TUFT1: variants seen among roughly 807,000 people sequenced by gnomAD.
TUFT1 encodes tuftelin 1, also known as tuftelin.
Under a neutral mutation model 57.8 loss-of-function variants are expected in TUFT1, and 43 were observed. The observed-to-expected ratio is 0.74, with a 90% CI of 0.58 to 0.96. The LOEUF (loss-of-function observed/expected upper bound fraction) is 0.96. TUFT1 is among the 40% of genes least tolerant of loss of function. The pLI is 0.00. For missense variants in TUFT1, 459 were observed against 489.0 expected (o/e 0.94, Z 0.58); for synonymous variants, 166 against 176.7 (o/e 0.94, Z 0.48).
intron 1 of TUFT1, 153 bp downstream of exon 1, chr1:151,540,579 C>A: frequency 1.2e-6 from 1 of 811,858 alleles, no homozygotes; most frequent in Non-Finnish European, 1.9e-6. Flanking sequence ...TATTCTTTTG[C>A]CTGCGACGGG....
intron 7 of TUFT1, among the ~76,000 whole-genome samples, chr1:151,573,480 C>T (rs1346408324): frequency 6.6e-6 from 1 of 152,212 alleles, no homozygotes. Flanking sequence ...ATAAAAGGCT[C>T]ACTCCTGTAA....
intron 5 of TUFT1, chr1:151,564,880 A>G (rs1666014100): frequency 3.6e-6 from 1 of 279,450 alleles, no homozygotes; most frequent in South Asian, 7.8e-5. Flanking sequence ...TATAAATTAA[A>G]TATCATCAGT....
At chr1:151,564,828 A>T in intron 5 of TUFT1, 1 of 453,262 alleles carries the variant, frequency 2.2e-6, no homozygotes, top group Admixed American at 3.7e-5. Context: ...GCTTAAACAT[A>T]AGTACACCTG....
intron 1 of TUFT1, among the ~76,000 whole-genome samples, chr1:151,550,411 C>G (rs1173925405): frequency 6.6e-6 from 1 of 152,148 alleles, no homozygotes; most frequent in Non-Finnish European, 1.5e-5. Context: ...ATGGCGTGAT[C>G]TTGGCTCACT....
At chr1:151,572,070 G>A (rs1041084908) in intron 7 of TUFT1, among the ~76,000 whole-genome samples, 2 of 152,212 alleles carry the variant, frequency 1.3e-5, no homozygotes, top group African/African-American at 4.8e-5. Flanking sequence ...GTGTGGTGGA[G>A]CATGCCTGTG....
intron 1 of TUFT1, among the ~76,000 whole-genome samples, chr1:151,547,801 A>G (rs1353098314): frequency 6.6e-6 from 1 of 152,184 alleles, no homozygotes; most frequent in Non-Finnish European, 1.5e-5. Flanking sequence ...GAGTTGGTTC[A>G]GGAGCTCACT....
chr1:151,574,674 G>A (rs1006255835), intron 8 of TUFT1, among the ~76,000 whole-genome samples: 1 of 152,184 alleles, frequency 6.6e-6, no homozygotes, highest in African/African-American at 2.4e-5. Context: ...GCTGGCGAGT[G>A]GGCCTGCATG....
At chr1:151,575,151 T>A in intron 9 of TUFT1, 146 bp downstream of exon 9, 4 of 724,424 alleles carry the variant, frequency 5.5e-6, no homozygotes, top group Non-Finnish European at 9.2e-6. Context: ...ACCGTGAGCT[T>A]GCTCAGGGTG....
In TUFT1 at chr1:151,574,950, GT is replaced by G; in HGVS notation, c.764del (p.Val255GlyfsTer3). On this transcript the variant is annotated frameshift_variant, in exon 9 of 13. Coordinates refer to ENST00000368849, the MANE Select transcript of TUFT1 (RefSeq NM_020127.3). LOFTEE classifies it high-confidence loss of function. ...ALLAKVREGE[V>X]ALEELRSNNA... is the part of the protein sequence containing the mutation. ...ACTGGCGAAAGTGAGGGAAGGGGAG[GT>G]GGCCCTAGAGGAACTTCGGAGCAAC... is the stretch of plus-strand genomic sequence containing the variant. 1 of 1,578,308 alleles carries G rather than the reference GT, an allele frequency of 6.3e-7. No individual in the cohort carries two copies. Among genetic ancestry groups the G allele is most frequent in the Non-Finnish European group, 8.6e-7 (1 of 1,161,654 alleles).
chr1:151,559,922 CA>C (rs1464126886), intron 1 of TUFT1, among the ~76,000 whole-genome samples: 4 of 151,686 alleles, frequency 2.6e-5, no homozygotes, highest in African/African-American at 9.7e-5. Flanking sequence ...GTCTCCTGAG[CA>C]GCTGGGATTA....
At chr1:151,560,715 C>G (rs1442109116) in intron 1 of TUFT1, among the ~76,000 whole-genome samples, 4 of 152,200 alleles carry the variant, frequency 2.6e-5, no homozygotes, top group Non-Finnish European at 1.5e-5. Flanking sequence ...CATCCTCACG[C>G]TGTCACAGAA....
intron 1 of TUFT1, among the ~76,000 whole-genome samples, chr1:151,546,527 C>G (rs1056111684): frequency 6.6e-6 from 1 of 152,138 alleles, no homozygotes; most frequent in African/African-American, 2.4e-5. Flanking sequence ...CTCCCCATTT[C>G]CCCCCAATCT....
intron 5 of TUFT1, chr1:151,565,826 G>T: frequency 5.2e-6 from 1 of 191,892 alleles, no homozygotes; most frequent in Admixed American, 5.6e-5. Flanking sequence ...TCCATCTGCT[G>T]AAAGATTTTA....
At chr1:151,577,392 AG>A (rs1034977348) in intron 9 of TUFT1, among the ~76,000 whole-genome samples, 6 of 152,176 alleles carry the variant, frequency 3.9e-5, no homozygotes, top group Non-Finnish European at 8.8e-5. Context: ...GAAGCTATCT[AG>A]GGACCCCAGC....
intron 2 of TUFT1, chr1:151,562,379 A>T: frequency 1.6e-6 from 1 of 635,868 alleles, no homozygotes; most frequent in Non-Finnish European, 2.7e-6. Context: ...ACTTCTGTCC[A>T]TTCTCCCTGG....
At chr1:151,540,897 A>G (rs1358195560) in intron 1 of TUFT1, 1 of 157,040 alleles carries the variant, frequency 6.4e-6, no homozygotes, top group Non-Finnish European at 1.4e-5. Context: ...GATGATCAGT[A>G]ACAAGAAAAA....
intron 7 of TUFT1, among the ~76,000 whole-genome samples, chr1:151,573,487 G>A (rs1170083441): frequency 6.6e-6 from 1 of 152,220 alleles, no homozygotes; most frequent in Admixed American, 6.5e-5. Flanking sequence ...GCTCACTCCT[G>A]TAATCCCAGC....
intron 1 of TUFT1, chr1:151,540,723 G>T: frequency 9.9e-6 from 4 of 403,488 alleles, no homozygotes; most frequent in Admixed American, 3.9e-5. Context: ...GGTCTCAGGC[G>T]TCTTTTGGGC....
At position 151,540,326 on chromosome 1, in the gene TUFT1, G is replaced by T. The variant is rs16833376; in HGVS notation, c.-41G>T. On this transcript the variant is annotated 5_prime_UTR_variant, in exon 1 of 13. Coordinates refer to ENST00000368849, the MANE Select transcript of TUFT1 (RefSeq NM_020127.3). ...GCCCGCCCAGTTGGAGCCAGACAGC[G>T]GGGTGGACAAGTGGCGTGTGTGCTG... 0.2 allele frequency: 321,959 copies of T among 1,613,306 alleles called. 34,768 individuals are homozygous for T. Among genetic ancestry groups the T allele is most frequent in the Non-Finnish European group, 0.23 (268,601 of 1,179,490 alleles).
Sources: gnomAD v4.1 joint callset for allele counts (sites outside exome capture counted in the v4.1 genomes callset) on GRCh38, gnomAD v4.1.1 for gene constraint, MANE v1.5 for transcripts, NCBI Gene and HGNC (gene_info 2026-07-23, HGNC 2026-07-21) for gene names.